The following SPAG9 variants were observed in gnomAD, a reference collection of about 807,000 sequenced individuals.
The protein encoded by SPAG9 is C-Jun-amino-terminal kinase-interacting protein 4.
A neutral mutation model predicts 166.5 loss-of-function variants in SPAG9; 35 were observed. The ratio of observed to expected loss-of-function variants is 0.21; its 90% confidence interval spans 0.16 to 0.28. The LOEUF is 0.28. Among genes scored for constraint, SPAG9 ranks in the 10% least tolerant of loss-of-function variants. The probability of loss-of-function intolerance (pLI) is 1.00; values close to 1 mark genes in which losing one functional copy is unlikely to be tolerated. For missense variants in SPAG9, 1,235 were observed against 1,603.3 expected, an observed-to-expected ratio of 0.77 and a Z score of 3.92; for synonymous variants, 534 against 565.5, an observed-to-expected ratio of 0.94 and a Z score of 0.79.
intron 28 of SPAG9, 52 bp from the exon 29 acceptor site, chr17:50,970,908 G>A (rs1452454530): frequency 1.5e-6 from 2 of 1,376,054 alleles, no homozygotes; most frequent in Non-Finnish European, 2.0e-6. Flanking sequence ...AAGGGAGGCT[G>A]TTTTGTTTTT....
chr17:51,076,658 C>T (rs1211687727), intron 2 of SPAG9, among the ~76,000 whole-genome samples: 2 of 151,714 alleles, frequency 1.3e-5, no homozygotes, highest in Admixed American at 6.6e-5. Flanking sequence ...ATCACTTGAC[C>T]CCAGGGGGCG....
chr17:51,032,535 C>T (rs1000314356), intron 5 of SPAG9, among the ~76,000 whole-genome samples: 12 of 152,090 alleles, frequency 7.9e-5, no homozygotes, highest in African/African-American at 2.2e-4. Flanking sequence ...CTCTATGAGA[C>T]GGATGTGTTT....
At position 50,979,905 on chromosome 17, in the gene SPAG9, C is replaced by T; in HGVS notation, c.3250G>A (p.Ala1084Thr). 6.2e-7 allele frequency: 1 copy of T among 1,612,926 alleles called. No homozygotes were observed. ...ACTTGGCTCTCCTTCCTGGGATGTG[C>T]ATCAAAAGATTTCTAGGAGAGATTG... is the stretch of plus-strand genomic sequence containing the variant. ...KAMKIEKSFD[A>T]HPRKESQVRQ... is the part of the protein sequence containing the mutation. Residue 1084 changes from alanine (A) to threonine (T), a missense_variant, in exon 26 of 30, where the codon GCA becomes ACA. Coordinates refer to ENST00000262013, the MANE Select transcript of SPAG9 (RefSeq NM_001130528.3).
intron 8 of SPAG9, among the ~76,000 whole-genome samples, chr17:51,019,639 G>C (rs2045854773): frequency 6.6e-6 from 1 of 151,856 alleles, no homozygotes; most frequent in African/African-American, 2.4e-5. Context: ...GATCACCTGA[G>C]GTTGGGAGTT....
At chr17:51,054,228 C>A (rs890842254) in intron 3 of SPAG9, among the ~76,000 whole-genome samples, 1 of 148,124 alleles carries the variant, frequency 6.8e-6, no homozygotes, top group Non-Finnish European at 1.5e-5. Flanking sequence ...GTGATCCTCC[C>A]ACTTCAGCCT....
chr17:50,979,742 T>C lies in SPAG9; in HGVS notation c.3409+4A>G. 6.2e-7 allele frequency: 1 copy of C among 1,604,614 alleles called. No individual in the cohort carries two copies. Among genetic ancestry groups the C allele is most frequent in the Non-Finnish European group, 8.5e-7 (1 of 1,171,806 alleles). ...GGTAAAGATAAAACGCGTTGGAAGC[T>C]TACCTAACATTTTGCTTACATAAGG... On this transcript the variant is annotated splice_donor_region_variant and intron_variant, in intron 26 of 29. Coordinates refer to ENST00000262013, the MANE Select transcript of SPAG9 (RefSeq NM_001130528.3).
At chr17:50,981,515 TAGATAGATAGATAGAA>T (rs879299865) in intron 25 of SPAG9, among the ~76,000 whole-genome samples, 19 of 140,354 alleles carry the variant, frequency 1.4e-4, no homozygotes, top group Non-Finnish European at 2.6e-4. Flanking sequence ...GATAGATAGA[TAGATAGATAGATAGAA>T]AGAAAGAAAG....
chr17:50,998,297 T>A, intron 15 of SPAG9, 147 bp downstream of exon 15: 3 of 643,978 alleles, frequency 4.7e-6, no homozygotes, highest in Non-Finnish European at 7.6e-6. Flanking sequence ...CCCAAAGTGC[T>A]GGGATTACAG....
intron 13 of SPAG9, 105 bp from the exon 14 acceptor site, chr17:50,999,822 G>T: frequency 1.2e-6 from 1 of 854,648 alleles, no homozygotes; most frequent in Non-Finnish European, 1.9e-6. Context: ...ACAGAGGGGA[G>T]TCAACAATTA....
chr17:51,083,575 A>ATTTAT (rs1555656709), intron 1 of SPAG9, among the ~76,000 whole-genome samples: 1 of 150,462 alleles, frequency 6.6e-6, no homozygotes, highest in Non-Finnish European at 1.5e-5. Context: ...TTATTTATTT[A>ATTTAT]TTTATTTAAG....
rs548103927 is a variant in SPAG9 at position 51,088,164 on chromosome 17, T to C, written c.304-8460A>G. Among the ~76,000 whole-genome samples, 11 of 152,320 alleles carry C rather than the reference T, an allele frequency of 7.2e-5. No homozygotes were observed. In the South Asian group the frequency reaches 2.3e-3, roughly 32 times the overall value. ...CAAAAATAGGAAACATCCCAGTCCG[T>C]CACTCTGTAGTCAAAGAAAAACTTG... is the stretch of plus-strand genomic sequence containing the variant. On this transcript the variant is annotated intron_variant, in intron 1 of 29. Transcript: ENST00000262013.
chr17:51,101,166 T>C (rs1405731500), intron 1 of SPAG9, among the ~76,000 whole-genome samples: 1 of 151,536 alleles, frequency 6.6e-6, no homozygotes, highest in Non-Finnish European at 1.5e-5. Context: ...GCCAACTTGG[T>C]GAAACACCGT....
intron 21 of SPAG9, 62 bp downstream of exon 21, chr17:50,989,615 T>C: frequency 1.6e-6 from 2 of 1,283,842 alleles, no homozygotes; most frequent in East Asian, 2.4e-5. Flanking sequence ...TTTGAGATTA[T>C]TTTGGTTCCT....
intron 5 of SPAG9, among the ~76,000 whole-genome samples, chr17:51,038,953 A>G (rs1309339260): frequency 2.0e-5 from 3 of 152,286 alleles, no homozygotes; most frequent in Non-Finnish European, 2.9e-5. Flanking sequence ...AATCTATTAG[A>G]TTATTTACAA....
At chr17:51,046,444 G>C (rs554421239) in intron 4 of SPAG9, 5 of 1,282,632 alleles carry the variant, frequency 3.9e-6, no homozygotes, top group Admixed American at 2.2e-5. Flanking sequence ...GACCCGTTGA[G>C]CTAAAAATTT....
Position 51,107,478 on chromosome 17 carries a change from C to T in SPAG9, c.303+12876G>A, listed in dbSNP as rs537530208. Reference sequence around the variant, plus strand: ...TAATAGTCAGACACGGTGGCTCACGCCTGTAATCCCAGCACTTTGGGAGGC... The same window carrying T: ...TAATAGTCAGACACGGTGGCTCACGTCTGTAATCCCAGCACTTTGGGAGGC... On this transcript the variant is annotated intron_variant, in intron 1 of 29. Transcript: ENST00000262013. Among the ~76,000 whole-genome samples the T allele has an allele frequency of 5.4e-4, 82 of 152,216 alleles. 1 individual carries two copies. Among genetic ancestry groups the T allele is most frequent in the Non-Finnish European group, 1.1e-3 (78 of 68,022 alleles).
At chr17:51,057,384 T>C (rs932301167) in intron 2 of SPAG9, among the ~76,000 whole-genome samples, 1 of 152,154 alleles carries the variant, frequency 6.6e-6, no homozygotes, top group Non-Finnish European at 1.5e-5. Context: ...AGCCTTAGCA[T>C]AGTTGAAAAT....
chr17:51,052,887 C>T (rs1440396965), intron 3 of SPAG9, among the ~76,000 whole-genome samples: 1 of 151,472 alleles, frequency 6.6e-6, no homozygotes, highest in Non-Finnish European at 1.5e-5. Flanking sequence ...GGTGAAATCC[C>T]ATCTCTATGA....
intron 2 of SPAG9, among the ~76,000 whole-genome samples, chr17:51,059,993 C>T (rs186319380): frequency 2.6e-5 from 4 of 152,098 alleles, no homozygotes; most frequent in Admixed American, 2.0e-4. Context: ...TCAAAGCTTC[C>T]GATCTCATTT....
Sources: allele counts gnomAD v4.1 joint callset (sites outside exome capture counted in the v4.1 genomes callset), GRCh38; gene constraint gnomAD v4.1.1; transcripts MANE v1.5; gene names NCBI Gene and HGNC (gene_info 2026-07-23, HGNC 2026-07-21).